Variants in GABRA5 observed in about 807,000 individuals in gnomAD.
The protein encoded by GABRA5 is gamma-aminobutyric acid receptor subunit alpha-5.
In GABRA5, 18 loss-of-function variants were observed where a neutral mutation model predicts 47.3. That is an observed-to-expected ratio of 0.38 (90% CI 0.26 to 0.56). The LOEUF (loss-of-function observed/expected upper bound fraction) is 0.56, where lower values mean the gene tolerates loss of function less well. Among genes scored for constraint, GABRA5 ranks in the 20% least tolerant of loss-of-function variants. The pLI, the probability that GABRA5 is intolerant of heterozygous loss-of-function variation, is 0.71. For synonymous variants in GABRA5, 237 were observed against 229.3 expected (o/e 1.03, Z -0.30); for missense variants, 365 against 599.3 (o/e 0.61, Z 4.08).
chr15:26,916,636 G>GT (rs1566879077), intron 7 of GABRA5, among the ~76,000 whole-genome samples: 1 of 152,046 alleles, frequency 6.6e-6, no homozygotes, highest in Non-Finnish European at 1.5e-5. Flanking sequence ...GATGGGCATT[G>GT]TATTGAATCT....
chr15:26,902,633 T>G (rs1893353928), intron 6 of GABRA5, among the ~76,000 whole-genome samples: 1 of 152,116 alleles, frequency 6.6e-6, no homozygotes, highest in African/African-American at 2.4e-5. Context: ...AAATTTTACT[T>G]CCTTTACTTG....
At chr15:26,885,593 G>T (rs1304909680) in intron 6 of GABRA5, among the ~76,000 whole-genome samples, 1 of 152,212 alleles carries the variant, frequency 6.6e-6, no homozygotes, top group East Asian at 1.9e-4. Flanking sequence ...GATCTTGAAC[G>T]TGTTTGCCCA....
chr15:26,940,131 C>T lies in GABRA5; in HGVS notation c.877+54C>T, dbSNP rs1595436340. The T allele has an allele frequency of 2.6e-6, 4 of 1,509,724 alleles. No homozygotes were observed. In the East Asian group the frequency reaches 7.2e-5, roughly 27 times the overall value. 93.5% of individuals were successfully genotyped at this position (1,509,724 alleles called of 1,614,324 possible). On this transcript the variant is annotated intron_variant, in intron 9 of 10. Coordinates refer to ENST00000335625, the MANE Select transcript of GABRA5 (RefSeq NM_000810.4). ...CTGGTGTTTTGTGACTGACCCTAAC[C>T]ACCCGGAAGCAACAGCAACAACCTC...
rs554695577 is a variant in GABRA5 at position 26,927,127 on chromosome 15, A to G, written c.581-10058A>G. Among the ~76,000 whole-genome samples, 9 of 151,674 alleles carry G rather than the reference A, an allele frequency of 5.9e-5. No homozygotes were observed. In the East Asian group the frequency reaches 1.6e-3, roughly 26 times the overall value. ...CTATTTTTTTTTTCTTTTTTGAGAC[A>G]GAGTCTCACACTCTCACCCTGGCTG... On this transcript the variant is annotated intron_variant, in intron 7 of 10. Coordinates refer to ENST00000335625, the MANE Select transcript of GABRA5 (RefSeq NM_000810.4).
chr15:26,921,528 G>C (rs1161834836), intron 7 of GABRA5, among the ~76,000 whole-genome samples: 1 of 151,924 alleles, frequency 6.6e-6, no homozygotes, highest in East Asian at 1.9e-4. Flanking sequence ...CAATTTTATT[G>C]ATCTTATTAT....
At position 26,883,248 on chromosome 15, in the gene GABRA5, A is replaced by T. The variant is rs567752486; in HGVS notation, c.276+15A>T. On this transcript the variant is annotated intron_variant, in intron 5 of 10. Coordinates refer to ENST00000335625, the MANE Select transcript of GABRA5 (RefSeq NM_000810.4). This position sits in a 1 kb window ranked among gnomAD's most constrained non-coding sequence, Gnocchi z 4.8. ...ACACGGAAATGGTAGGTCCCGGGGC[A>T]TGGCTGGGCAGACAATTCTTACTCC... 1.9e-6 allele frequency: 3 copies of T among 1,613,588 alleles called. No homozygotes were observed. In the South Asian group the frequency reaches 3.3e-5, roughly 18 times the overall value.
intron 6 of GABRA5, among the ~76,000 whole-genome samples, chr15:26,912,089 C>T (rs191653406): frequency 7.9e-4 from 121 of 152,278 alleles, no homozygotes; most frequent in Admixed American, 1.2e-3. Flanking sequence ...CGTGTGAGCC[C>T]CGCGTGTTCC....
intron 3 of GABRA5, among the ~76,000 whole-genome samples, chr15:26,870,881 CTT>C (rs978237450): frequency 2.6e-5 from 4 of 152,210 alleles, no homozygotes; most frequent in Non-Finnish European, 4.4e-5. Context: ...GGATTGGAAA[CTT>C]ATATTTTCTT....
intron 6 of GABRA5, among the ~76,000 whole-genome samples, chr15:26,888,706 T>C (rs1595401374): frequency 6.6e-6 from 1 of 152,276 alleles, no homozygotes; most frequent in East Asian, 1.9e-4. Context: ...AAAGAGCATA[T>C]AGAGATAATA....
intron 6 of GABRA5, among the ~76,000 whole-genome samples, chr15:26,908,096 A>ATATG (rs1219943339): frequency 6.6e-6 from 1 of 152,152 alleles, no homozygotes; most frequent in Non-Finnish European, 1.5e-5. Context: ...TATTAAATAT[A>ATATG]TATGTATGTA....
At chr15:26,919,198 A>T (rs143586819) in intron 7 of GABRA5, among the ~76,000 whole-genome samples, 18 of 151,864 alleles carry the variant, frequency 1.2e-4, no homozygotes, top group African/African-American at 3.6e-4. Flanking sequence ...ATCCATTCAA[A>T]CTCTCTTGTG....
chr15:26,920,565 A>G (rs1343060796), intron 7 of GABRA5, among the ~76,000 whole-genome samples: 1 of 152,196 alleles, frequency 6.6e-6, no homozygotes, highest in Admixed American at 6.5e-5. Flanking sequence ...GATAAATTAT[A>G]TAACTCCATT....
Position 26,883,647 on chromosome 15 carries a change from T to C in GABRA5, c.497+90T>C, listed in dbSNP as rs1892799595. Reference sequence around the variant, plus strand: ...TGCCGCAAGAGCTGCGCCGCGGAGCTGTTCTGACCATAGGTCTGAGACTGC... The same window carrying C: ...TGCCGCAAGAGCTGCGCCGCGGAGCCGTTCTGACCATAGGTCTGAGACTGC... On this transcript the variant is annotated intron_variant, in intron 6 of 10. Coordinates refer to ENST00000335625, the MANE Select transcript of GABRA5 (RefSeq NM_000810.4). This position sits in a 1 kb window ranked among gnomAD's most constrained non-coding sequence, Gnocchi z 4.8. 1.9e-6 allele frequency: 2 copies of C among 1,059,670 alleles called. No homozygotes were observed. Among genetic ancestry groups the C allele is most frequent in the African/African-American group, 3.2e-5 (2 of 61,854 alleles). The allele number at this position is 1,059,670 out of a possible 1,614,324, so 65.6% of individuals were successfully genotyped here. A position where few individuals can be genotyped will look rare whatever the true frequency, so the allele number is the denominator to read the frequency against.
At chr15:26,941,895 T>G (rs1469233030) in intron 9 of GABRA5, among the ~76,000 whole-genome samples, 12 of 152,232 alleles carry the variant, frequency 7.9e-5, no homozygotes, top group Admixed American at 7.9e-4. Flanking sequence ...TCATTTTAAC[T>G]TAATTATTTC....
intron 7 of GABRA5, among the ~76,000 whole-genome samples, chr15:26,931,304 G>A (rs1349228241): frequency 6.6e-6 from 1 of 152,180 alleles, no homozygotes; most frequent in African/African-American, 2.4e-5. Context: ...AGGCTGGGAA[G>A]TTCAAGACCA....
At chr15:26,882,840 G>A (rs1268466190) in intron 4 of GABRA5, among the ~76,000 whole-genome samples, 4 of 152,192 alleles carry the variant, frequency 2.6e-5, no homozygotes, top group Non-Finnish European at 4.4e-5. Flanking sequence ...CAGGTTTACA[G>A]AGGAGGAAAT....
rs766567820 is a variant in GABRA5, at chr15:26,937,178, C to T, written c.581-7C>T. 2 of 1,613,816 alleles carry T rather than the reference C, an allele frequency of 1.2e-6. No individual in the cohort carries two copies. Among genetic ancestry groups the T allele is most frequent in the Non-Finnish European group, 1.7e-6 (2 of 1,179,810 alleles). ...TTTATGTCACTTTCTGCCCCCTCCT[C>T]ATACAGATGCGTACCCTAATTCTGA... is the stretch of plus-strand genomic sequence containing the variant. On this transcript the variant is annotated splice_region_variant and splice_polypyrimidine_tract_variant and intron_variant, in intron 7 of 10. Coordinates refer to ENST00000335625, the MANE Select transcript of GABRA5 (RefSeq NM_000810.4).
At chr15:26,871,753 T>C (rs1266335382) in intron 3 of GABRA5, among the ~76,000 whole-genome samples, 1 of 152,216 alleles carries the variant, frequency 6.6e-6, no homozygotes, top group Non-Finnish European at 1.5e-5. Flanking sequence ...AAATGTATTA[T>C]TTTAAATGGC....
intron 9 of GABRA5, among the ~76,000 whole-genome samples, chr15:26,940,890 A>T (rs995120566): frequency 6.6e-6 from 1 of 152,228 alleles, no homozygotes; most frequent in East Asian, 1.9e-4. Context: ...ATTCAGGAAG[A>T]TACTAAAGGC....
Sources: gnomAD v4.1 joint callset for allele counts (sites outside exome capture counted in the v4.1 genomes callset) on GRCh38, gnomAD v4.1.1 for gene constraint, Gnocchi (gnomAD v3.1) non-coding constraint, MANE v1.5 for transcripts, NCBI Gene and HGNC (gene_info 2026-07-23, HGNC 2026-07-21) for gene names.